Variants in SMC2 observed in about 807,000 individuals in gnomAD.
SMC2 encodes structural maintenance of chromosomes 2, also known as structural maintenance of chromosomes protein 2.
In SMC2, 41 loss-of-function variants were observed where a neutral mutation model predicts 142.6. That is an observed-to-expected ratio of 0.29 (90% CI 0.22 to 0.37). The LOEUF is 0.37. SMC2 is among the 10% of genes least tolerant of loss of function. The pLI is 1.00. For synonymous variants in SMC2, 463 were observed against 457.5 expected (o/e 1.01, Z -0.15); for missense variants, 1,265 against 1,373.7 (o/e 0.92, Z 1.25).
At chr9:104,096,049 T>A in intron 2 of SMC2, 99 bp from the exon 3 acceptor site, 2 of 1,055,742 alleles carry the variant, frequency 1.9e-6, no homozygotes, top group Non-Finnish European at 2.8e-6. Context: ...TAATGGACAC[T>A]ACGTTGGTGG....
At position 104,102,401 on chromosome 9, in the gene SMC2, G is replaced by A. The variant is rs769846030; in HGVS notation, c.871-23G>A. 16 of 1,578,480 alleles carry A rather than the reference G, an allele frequency of 1.0e-5. No homozygotes were observed. In the East Asian group the frequency reaches 1.8e-4, roughly 18 times the overall value. ...GTGAACAAATTTTACATAAGTGATTGAATTGACTGCATTTTGTTATAGGAA... is the reference window on the plus strand; with the variant it reads ...GTGAACAAATTTTACATAAGTGATTAAATTGACTGCATTTTGTTATAGGAA... On this transcript the variant is annotated intron_variant, in intron 8 of 24. Coordinates refer to ENST00000374793, the MANE Select transcript of SMC2 (RefSeq NM_006444.3).
At chr9:104,134,744 AAGG>A (rs1181904321) in intron 23 of SMC2, among the ~76,000 whole-genome samples, 169 bp downstream of exon 23, 1 of 152,168 alleles carries the variant, frequency 6.6e-6, no homozygotes, top group Non-Finnish European at 1.5e-5. Context: ...ATAGGTGACA[AAGG>A]AGGAATAAGC....
chr9:104,094,376 A>G lies in SMC2; in HGVS notation c.-163A>G. Reference sequence around the variant, plus strand: ...GCAGGTGTTGTAGCCGCTATGGTGAAGTTCGCTTTGTAGCGGCCCCGGCTA... The same window carrying G: ...GCAGGTGTTGTAGCCGCTATGGTGAGGTTCGCTTTGTAGCGGCCCCGGCTA... On this transcript the variant is annotated 5_prime_UTR_variant, in exon 1 of 25. Coordinates refer to ENST00000374793, the MANE Select transcript of SMC2 (RefSeq NM_006444.3). The G allele has an allele frequency of 2.5e-6, 1 of 398,798 alleles. No individual in the cohort carries two copies. The highest frequency in any genetic ancestry group is 4.4e-6 in the Non-Finnish European group (1 of 226,210). The allele number at this position is 398,798 out of a possible 1,614,324, so 24.7% of individuals were successfully genotyped here. A position where few individuals can be genotyped will look rare whatever the true frequency, so the allele number is the denominator to read the frequency against.
intron 20 of SMC2, among the ~76,000 whole-genome samples, chr9:104,128,667 T>C (rs76679978): frequency 0.057 from 8,629 of 152,224 alleles, 654 homozygotes; most frequent in African/African-American, 0.18. Context: ...TACAAGTCAA[T>C]AAATTAACAA....
intron 9 of SMC2, among the ~76,000 whole-genome samples, chr9:104,108,264 T>C (rs1832036636): frequency 6.6e-6 from 1 of 152,188 alleles, no homozygotes; most frequent in African/African-American, 2.4e-5. Context: ...TTTCTTTTTC[T>C]CATCTTGACA....
rs1830971915 is a variant in SMC2, at chr9:104,100,389, A to G, written c.592A>G (p.Ile198Val). Reference protein sequence around the residue: ...KEAKLKEIKTILEEEITPTIQ... With the variant: ...KEAKLKEIKTVLEEEITPTIQ... ...ATACTGATTTTTCTTTATTTTCCAG[A>G]TACTTGAAGAAGAGATTACTCCAAC... The change falls in exon 7 of 25, where the codon ATA (isoleucine) becomes GTA (valine). Residue 198 changes from isoleucine to valine, a missense_variant and splice_region_variant. Ile to Val is a conservative substitution (Grantham distance 29). Coordinates refer to ENST00000374793, the MANE Select transcript of SMC2 (RefSeq NM_006444.3). 3 of 1,521,374 alleles carry G rather than the reference A, an allele frequency of 2.0e-6. No individual in the cohort carries two copies. The highest frequency in any genetic ancestry group is 4.5e-5 in the East Asian group (2 of 44,296). The allele number at this position is 1,521,374 out of a possible 1,614,324, so 94.2% of individuals were successfully genotyped here. A position where few individuals can be genotyped will look rare whatever the true frequency, so the allele number is the denominator to read the frequency against.
chr9:104,103,462 G>T (rs1587907057), intron 9 of SMC2, among the ~76,000 whole-genome samples: 1 of 152,198 alleles, frequency 6.6e-6, no homozygotes, highest in African/African-American at 2.4e-5. Context: ...TGACAGAAAA[G>T]ATCCAGTAGA....
chr9:104,124,911 G>T lies in SMC2; in HGVS notation c.2258-1G>T. On this transcript the variant is annotated splice_acceptor_variant, in intron 17 of 24. Coordinates refer to ENST00000374793, the MANE Select transcript of SMC2 (RefSeq NM_006444.3). LOFTEE classifies it high-confidence loss of function. ...CCACATTTGCTTACTTTGTGATGCAGAGGAAAGTGAGGAGACTTTGAAAAA... is the reference window on the plus strand; with the variant it reads ...CCACATTTGCTTACTTTGTGATGCATAGGAAAGTGAGGAGACTTTGAAAAA... 1 of 1,580,448 alleles carries T rather than the reference G, an allele frequency of 6.3e-7. No individual in the cohort carries two copies. The highest frequency in any genetic ancestry group is 1.2e-5 in the South Asian group (1 of 83,342).
At chr9:104,130,065 T>G (rs1429553830) in intron 21 of SMC2, among the ~76,000 whole-genome samples, 1 of 152,218 alleles carries the variant, frequency 6.6e-6, no homozygotes, top group Non-Finnish European at 1.5e-5. Context: ...ACTTTTTCAC[T>G]GGCTTTTGTT....
chr9:104,111,892 T>C, intron 10 of SMC2, 78 bp downstream of exon 10: 1 of 1,014,998 alleles, frequency 9.9e-7, no homozygotes, highest in East Asian at 2.6e-5. Flanking sequence ...TGGCAATTGT[T>C]ACATAATGTT....
chr9:104,100,546 A>AAT, intron 7 of SMC2, 113 bp downstream of exon 7: 1 of 688,000 alleles, frequency 1.5e-6, no homozygotes, highest in South Asian at 1.9e-5. Context: ...TCCTGCGATG[A>AAT]GATAAGGAAT....
At position 104,140,233 on chromosome 9, in the gene SMC2, C is replaced by G. The variant is rs745710679; in HGVS notation, c.*918C>G. On this transcript the variant is annotated 3_prime_UTR_variant, in exon 25 of 25. Transcript: ENST00000374793. ...TATATATGTATAAATATAAATAACTCAATCCATCTGTTCCACCAAAATAAC... is the reference window on the plus strand; with the variant it reads ...TATATATGTATAAATATAAATAACTGAATCCATCTGTTCCACCAAAATAAC... 18 of 152,002 alleles carry G rather than the reference C, an allele frequency of 1.2e-4. No homozygotes were observed. Among genetic ancestry groups the G allele is most frequent in the Non-Finnish European group, 2.2e-4 (15 of 67,982 alleles). The allele number at this position is 152,002 out of a possible 1,614,324, so 9.4% of individuals were successfully genotyped here.
chr9:104,091,608 C>T (rs1313757657), upstream of SMC2, among the ~76,000 whole-genome samples: 1 of 152,318 alleles, frequency 6.6e-6, no homozygotes, highest in African/African-American at 2.4e-5. Flanking sequence ...CAATTCATTT[C>T]CTTGAACCTA....
In SMC2 at chr9:104,126,744, G is replaced by A; in HGVS notation, c.2555G>A (p.Ser852Asn). ...AVNEAIKSYE[S>N]QIEVMAAEVA... The stretch of plus-strand genomic sequence containing the variant: ...AATGAAGCTATCAAATCCTATGAAA[G>A]TCAGATTGAAGTAATGGCAGCTGAG... Residue 852 changes from serine to asparagine, a missense_variant, in exon 19 of 25, where the codon AGT becomes AAT. By Grantham distance (46) the Ser-to-Asn change is conservative. Transcript: ENST00000374793. 2 of 1,612,346 alleles carry A rather than the reference G, an allele frequency of 1.2e-6. No individual in the cohort carries two copies. Among genetic ancestry groups the A allele is most frequent in the Non-Finnish European group, 1.7e-6 (2 of 1,179,536 alleles).
chr9:104,115,584 CAA>C (rs112793649), intron 13 of SMC2, among the ~76,000 whole-genome samples: 1 of 136,794 alleles, frequency 7.3e-6, no homozygotes, highest in Admixed American at 7.4e-5. Flanking sequence ...GACTGTATCT[CAA>C]AAAAAAAAAG....
chr9:104,117,596 T>C lies in SMC2; in HGVS notation c.1792-575T>C, dbSNP rs10991113. On this transcript the variant is annotated intron_variant, in intron 14 of 24. Coordinates refer to ENST00000374793, the MANE Select transcript of SMC2 (RefSeq NM_006444.3). ...TTCATTTGTATGAGAAAATATTTGTTGTGAAATCAAATTCCTGATTATTGA... is the reference window on the plus strand; with the variant it reads ...TTCATTTGTATGAGAAAATATTTGTCGTGAAATCAAATTCCTGATTATTGA... 7.2e-5 allele frequency among the ~76,000 whole-genome samples: 11 copies of C among 152,332 alleles called. No homozygotes were observed. In the East Asian group the frequency reaches 1.7e-3, roughly 24 times the overall value.
chr9:104,099,591 A>G lies in SMC2; in HGVS notation c.442-53A>G. 3 of 1,169,676 alleles carry G rather than the reference A, an allele frequency of 2.6e-6. No homozygotes were observed. The South Asian group carries it at 3.7e-5, about 14-fold the overall frequency. 72.5% of individuals were successfully genotyped at this position (1,169,676 alleles called of 1,614,324 possible). ...TAGATAAACATGAATGGCAGTACAG[A>G]TAAACATTTTCTGTAATTTGTTATC... is the stretch of plus-strand genomic sequence containing the variant. On this transcript the variant is annotated intron_variant, in intron 4 of 24. Coordinates refer to ENST00000374793, the MANE Select transcript of SMC2 (RefSeq NM_006444.3).
At chr9:104,130,014 T>C (rs574174856) in intron 21 of SMC2, among the ~76,000 whole-genome samples, 169 bp downstream of exon 21, 2 of 152,326 alleles carry the variant, frequency 1.3e-5, no homozygotes, top group African/African-American at 2.4e-5. Flanking sequence ...ATTACTCTTA[T>C]GCATCATTAG....
At chr9:104,136,296 C>A (rs41309334) in intron 23 of SMC2, among the ~76,000 whole-genome samples, 3 of 151,628 alleles carry the variant, frequency 2.0e-5, no homozygotes, top group East Asian at 1.9e-4. Flanking sequence ...CCTTATGACC[C>A]CCTTTATCAT....
Sources: gnomAD v4.1 joint callset for allele counts (sites outside exome capture counted in the v4.1 genomes callset) on GRCh38, gnomAD v4.1.1 for gene constraint, MANE v1.5 for transcripts, NCBI Gene and HGNC (gene_info 2026-07-23, HGNC 2026-07-21) for gene names.